The following AKR1C1 variants were observed in gnomAD, a reference collection of about 807,000 sequenced individuals.
The protein encoded by AKR1C1 is 20 alpha-hydroxysteroid dehydrogenase.
Under a neutral mutation model 40.6 loss-of-function variants are expected in AKR1C1, and 32 were observed. The ratio of observed to expected loss-of-function variants is 0.79; its 90% confidence interval spans 0.60 to 1.06. The LOEUF is 1.06. Among genes scored for constraint, AKR1C1 ranks in the 50% least tolerant of loss-of-function variants. The pLI is 0.00. For synonymous variants in AKR1C1, 105 were observed against 134.2 expected (o/e 0.78, Z 1.50); for missense variants, 320 against 363.5 (o/e 0.88, Z 0.97).
chr10:4,971,507 A>T (rs560681234), intron 5 of AKR1C1, among the ~76,000 whole-genome samples: 24 of 107,858 alleles, frequency 2.2e-4, no homozygotes, highest in African/African-American at 6.0e-4. Context: ...TATATATATT[A>T]TATATATATA....
rs1554770633 is a variant in AKR1C1 at position 4,977,710 on chromosome 10, C to G, written c.940C>G (p.Pro314Ala). Reference sequence around the variant, plus strand: ...TTTTTCTCTTTCCAGTTTTGCTGGCCCCCCTAATTATCCATTTTCTGATGA... The same window carrying G: ...TTTTTCTCTTTCCAGTTTTGCTGGCGCCCCTAATTATCCATTTTCTGATGA... ...RYLTLDIFAGPPNYPFSDEY is the reference protein window; with the variant it reads ...RYLTLDIFAGAPNYPFSDEY Residue 314 changes from proline to alanine, a missense_variant, in exon 9 of 9, where the codon CCC (proline) becomes GCC (alanine). By Grantham distance (27) the Pro-to-Ala change is conservative. Transcript: ENST00000380872. The G allele has an allele frequency of 6.2e-7, 1 of 1,610,240 alleles. No individual in the cohort carries two copies.
intron 1 of AKR1C1, 82 bp from the exon 2 acceptor site, chr10:4,965,832 T>G: frequency 6.6e-7 from 1 of 1,508,574 alleles, no homozygotes; most frequent in Non-Finnish European, 8.9e-7. Flanking sequence ...GAAAAGCTGA[T>G]TTTTGTGAAC....
Position 4,978,670 on chromosome 10 carries a change from T to C in AKR1C1, c.*928T>C, listed in dbSNP as rs1836566772. 4 of 152,206 alleles carry C rather than the reference T, an allele frequency of 2.6e-5. No individual in the cohort carries two copies. The highest frequency in any genetic ancestry group is 7.2e-5 in the African/African-American group (3 of 41,450). 9.4% of individuals were successfully genotyped at this position (152,206 alleles called of 1,614,324 possible). A position where few individuals can be genotyped will look rare whatever the true frequency, so the allele number is the denominator to read the frequency against. On this transcript the variant is annotated 3_prime_UTR_variant, in exon 9 of 9. Transcript: ENST00000380872. ...TTCAGTCTTTTAAATATTTTATACATTAAACAGGCATAGTTACAAATATAA... is the reference window on the plus strand; with the variant it reads ...TTCAGTCTTTTAAATATTTTATACACTAAACAGGCATAGTTACAAATATAA...
rs3898029 is a variant in AKR1C1, at chr10:4,977,971, G to T, written c.*229G>T. On this transcript the variant is annotated 3_prime_UTR_variant, in exon 9 of 9. Coordinates refer to ENST00000380872, the MANE Select transcript of AKR1C1 (RefSeq NM_001353.6). ...CTCCTAAAGATTCTTCACCTACTTT[G>T]GTCTCCATAACTTCTATGTTTTCTT... The T allele has an allele frequency of 3.4e-6, 2 of 584,840 alleles. No individual in the cohort carries two copies. Among genetic ancestry groups the T allele is most frequent in the Admixed American group, 3.8e-5 (1 of 26,012 alleles). The allele number at this position is 584,840 out of a possible 1,614,324, so 36.2% of individuals were successfully genotyped here.
intron 1 of AKR1C1, chr10:4,963,768 C>T (rs764381279): frequency 3.1e-5 from 23 of 753,802 alleles, no homozygotes; most frequent in African/African-American, 1.1e-4. Context: ...AGAAAGAACA[C>T]GGCTTGCCTG....
intron 4 of AKR1C1, among the ~76,000 whole-genome samples, 185 bp from the exon 5 acceptor site, chr10:4,968,637 C>T (rs1261336286): frequency 1.3e-5 from 2 of 152,146 alleles, no homozygotes; most frequent in African/African-American, 2.4e-5. Context: ...TCCAGTTTCC[C>T]AAGGAGGAAA....
chr10:4,965,777 G>C, intron 1 of AKR1C1, 137 bp from the exon 2 acceptor site: 1 of 1,009,006 alleles, frequency 9.9e-7, no homozygotes, highest in East Asian at 2.7e-5. Flanking sequence ...AGGGAGACTG[G>C]GATGGGCTCA....
chr10:4,975,500 T>C (rs192628275), intron 7 of AKR1C1, among the ~76,000 whole-genome samples: 2,257 of 152,298 alleles, frequency 0.015, 55 homozygotes, highest in African/African-American at 0.052. Context: ...CCTACTAAAT[T>C]ATGCTAGACA....
At chr10:4,974,695 A>T (rs1836497895) in intron 7 of AKR1C1, among the ~76,000 whole-genome samples, 2 of 152,066 alleles carry the variant, frequency 1.3e-5, no homozygotes, top group African/African-American at 4.8e-5. Flanking sequence ...TGCTCACATA[A>T]CTTGATTTTT....
chr10:4,963,420 T>C lies in AKR1C1; in HGVS notation c.-25T>C. 1.2e-6 allele frequency: 2 copies of C among 1,613,604 alleles called. No homozygotes were observed. Among genetic ancestry groups the C allele is most frequent in the Non-Finnish European group, 1.7e-6 (2 of 1,179,546 alleles). ...CCTGTGAGGGAGGAAGAAAGAAACA[T>C]TTGCCAGCCAGGCTAGTGACAGAAA... On this transcript the variant is annotated 5_prime_UTR_variant, in exon 1 of 9. Coordinates refer to ENST00000380872, the MANE Select transcript of AKR1C1 (RefSeq NM_001353.6).
intron 5 of AKR1C1, chr10:4,969,771 A>G: frequency 1.2e-6 from 2 of 1,603,044 alleles, no homozygotes; most frequent in Non-Finnish European, 1.7e-6. Flanking sequence ...ACATTTCAGC[A>G]TTAAAGTTAC....
At chr10:4,971,121 T>A (rs1485782464) in intron 5 of AKR1C1, among the ~76,000 whole-genome samples, 1 of 151,932 alleles carries the variant, frequency 6.6e-6, no homozygotes, top group African/African-American at 2.4e-5. Context: ...TATACATCAG[T>A]GATTTGAACT....
rs1836583814 is a variant in AKR1C1 at position 4,979,562 on chromosome 10, A to C, written c.*1820A>C. The C allele has an allele frequency of 6.6e-6, 1 of 152,134 alleles. No homozygotes were observed. Among genetic ancestry groups the C allele is most frequent in the African/African-American group, 2.4e-5 (1 of 41,374 alleles). The allele number at this position is 152,134 out of a possible 1,614,324, so 9.4% of individuals were successfully genotyped here. A position where few individuals can be genotyped will look rare whatever the true frequency, so the allele number is the denominator to read the frequency against. ...ACATTTTGTTAAAAGTTAGTAGTGA[A>C]GTGTGTAACGCTTAAGCAAACTTTC... On this transcript the variant is annotated 3_prime_UTR_variant, in exon 9 of 9. Coordinates refer to ENST00000380872, the MANE Select transcript of AKR1C1 (RefSeq NM_001353.6).
At position 4,977,887 on chromosome 10, in the gene AKR1C1, T is replaced by C. The variant is rs781871351; in HGVS notation, c.*145T>C. On this transcript the variant is annotated 3_prime_UTR_variant, in exon 9 of 9. Transcript: ENST00000380872. The stretch of plus-strand genomic sequence containing the variant: ...TTTCAGCAAGCTACAGCAAAGCCCA[T>C]TGGCCAGAAAGGAAAGACAATAATT... The C allele has an allele frequency of 2.1e-4, 264 of 1,248,334 alleles. 2 individuals are homozygous for C. In the Middle Eastern group the frequency reaches 5.5e-3, roughly 26 times the overall value. 77.3% of individuals were successfully genotyped at this position (1,248,334 alleles called of 1,614,324 possible). A position where few individuals can be genotyped will look rare whatever the true frequency, so the allele number is the denominator to read the frequency against.
chr10:4,975,031 T>G (rs1284982721), intron 7 of AKR1C1, among the ~76,000 whole-genome samples: 1 of 152,108 alleles, frequency 6.6e-6, no homozygotes, highest in Non-Finnish European at 1.5e-5. Flanking sequence ...ATGATCATAA[T>G]ATGAATTTCC....
In AKR1C1 at chr10:4,973,223, T is replaced by C. The variant is rs1483636512; in HGVS notation, c.846+474T>C. The stretch of plus-strand genomic sequence containing the variant: ...TTATTTTTATGTGTAGGAGACCATA[T>C]TTATACCAATACCTTAGGATATAAG... On this transcript the variant is annotated intron_variant, in intron 7 of 8. Coordinates refer to ENST00000380872, the MANE Select transcript of AKR1C1 (RefSeq NM_001353.6). 2.0e-5 allele frequency among the ~76,000 whole-genome samples: 3 copies of C among 151,692 alleles called. No homozygotes were observed. In the East Asian group the frequency reaches 5.8e-4, roughly 29 times the overall value.
Position 4,967,049 on chromosome 10 carries a change from C to A in AKR1C1, c.369+6C>A. On this transcript the variant is annotated splice_donor_region_variant and intron_variant, in intron 3 of 8. Transcript: ENST00000380872. ...ATTTTCCAGTGTCTGTAAAGGTAGG[C>A]AGCTTGTGTGATCAAATTAATTTCA... 5.0e-6 allele frequency: 8 copies of A among 1,608,434 alleles called. No individual in the cohort carries two copies. Among genetic ancestry groups the A allele is most frequent in the South Asian group, 1.1e-5 (1 of 90,816 alleles).
In AKR1C1 at chr10:4,977,782, G is replaced by A. The variant is rs35289491; in HGVS notation, c.*40G>A. ...CATGAGGTCTGCCAGAAGGCCCTGC[G>A]TGTGGATGGTGACACAGAGGATGGC... On this transcript the variant is annotated 3_prime_UTR_variant, in exon 9 of 9. Coordinates refer to ENST00000380872, the MANE Select transcript of AKR1C1 (RefSeq NM_001353.6). 28,437 of 1,494,592 alleles carry A rather than the reference G, an allele frequency of 0.019. 334 individuals are homozygous for A. Among genetic ancestry groups the A allele is most frequent in the South Asian group, 0.038 (3,300 of 87,694 alleles). The allele number at this position is 1,494,592 out of a possible 1,614,324, so 92.6% of individuals were successfully genotyped here.
At chr10:4,969,820 TTA>T in intron 5 of AKR1C1, 2 of 1,439,210 alleles carry the variant, frequency 1.4e-6, no homozygotes, top group Non-Finnish European at 1.9e-6. Flanking sequence ...TTGTTTTATT[TTA>T]TGTTTTAAAA....
Sources: gnomAD v4.1 joint callset for allele counts (sites outside exome capture counted in the v4.1 genomes callset) on GRCh38, gnomAD v4.1.1 for gene constraint, MANE v1.5 for transcripts, NCBI Gene and HGNC (gene_info 2026-07-23, HGNC 2026-07-21) for gene names.